The following KHDRBS2 variants were observed in gnomAD, a reference collection of about 807,000 sequenced individuals.
The protein encoded by KHDRBS2 is KH domain-containing, RNA-binding, signal transduction-associated protein 2.
In KHDRBS2, 26 loss-of-function variants were observed where a neutral mutation model predicts 44.3. The observed-to-expected ratio is 0.59, with a 90% CI of 0.43 to 0.81. The LOEUF (loss-of-function observed/expected upper bound fraction) is 0.81, where lower values mean the gene tolerates loss of function less well. Among genes scored for constraint, KHDRBS2 ranks in the 40% least tolerant of loss-of-function variants. The pLI is 0.00. For missense variants in KHDRBS2, 476 were observed against 433.1 expected, an observed-to-expected ratio of 1.10 and a Z score of -0.88; for synonymous variants, 194 against 151.1, an observed-to-expected ratio of 1.28 and a Z score of -2.08.
chr6:61,877,999 T>G (rs1275193481), intron 6 of KHDRBS2, among the ~76,000 whole-genome samples: 1 of 152,026 alleles, frequency 6.6e-6, no homozygotes, highest in Non-Finnish European at 1.5e-5. Flanking sequence ...TAGCTTTCCA[T>G]TTTTAGATTA....
intron 7 of KHDRBS2, among the ~76,000 whole-genome samples, chr6:61,702,871 C>T (rs944102862): frequency 2.6e-5 from 4 of 151,810 alleles, no homozygotes; most frequent in Non-Finnish European, 4.4e-5. Context: ...AAGCCAAAAT[C>T]GTGTGTAGAA....
intron 1 of KHDRBS2, among the ~76,000 whole-genome samples, chr6:62,267,988 A>G (rs1839476398): frequency 6.6e-6 from 1 of 152,124 alleles, no homozygotes; most frequent in Admixed American, 6.6e-5. Flanking sequence ...AAGTATCAAC[A>G]CATAGCTTTT....
intron 1 of KHDRBS2, among the ~76,000 whole-genome samples, chr6:62,214,504 C>T (rs1829646292): frequency 6.8e-6 from 1 of 147,324 alleles, no homozygotes. Context: ...CCAGACCAAT[C>T]CTCCCACAGA....
At chr6:61,883,505 G>T (rs1174041417) in intron 6 of KHDRBS2, among the ~76,000 whole-genome samples, 2 of 151,970 alleles carry the variant, frequency 1.3e-5, no homozygotes, top group Non-Finnish European at 2.9e-5. Context: ...GAGTATTGTA[G>T]CCAATAGAAG....
chr6:62,032,242 AG>A (rs1253474799), intron 3 of KHDRBS2, among the ~76,000 whole-genome samples: 1 of 152,024 alleles, frequency 6.6e-6, no homozygotes, highest in Non-Finnish European at 1.5e-5. Context: ...CATTTGAGTC[AG>A]TGGGGGGAAA....
At chr6:62,225,882 G>A (rs529256974) in intron 1 of KHDRBS2, among the ~76,000 whole-genome samples, 2 of 152,224 alleles carry the variant, frequency 1.3e-5, no homozygotes, top group East Asian at 3.9e-4. Context: ...GCTTTTTATG[G>A]CTGCATAATA....
At chr6:62,175,412 T>C (rs1395676388) in intron 2 of KHDRBS2, among the ~76,000 whole-genome samples, 3 of 151,546 alleles carry the variant, frequency 2.0e-5, no homozygotes, top group Non-Finnish European at 4.4e-5. Context: ...GTAATGCAAA[T>C]ATGTGGGCAT....
chr6:61,859,610 T>C (rs534223015), intron 6 of KHDRBS2, among the ~76,000 whole-genome samples: 1 of 152,064 alleles, frequency 6.6e-6, no homozygotes, highest in East Asian at 1.9e-4. Flanking sequence ...TAAGTGTGTA[T>C]ACCTTTGCAC....
chr6:61,979,783 C>A (rs1381419334), intron 3 of KHDRBS2, among the ~76,000 whole-genome samples: 2 of 152,062 alleles, frequency 1.3e-5, no homozygotes, highest in South Asian at 2.1e-4. Context: ...GTAAAGATTT[C>A]TTTTCTCTTT....
At chr6:61,934,813 T>C (rs990851759) in intron 4 of KHDRBS2, among the ~76,000 whole-genome samples, 2 of 152,140 alleles carry the variant, frequency 1.3e-5, no homozygotes, top group Non-Finnish European at 2.9e-5. Context: ...ATTCAGGAGA[T>C]TGAGGATTTA....
intron 6 of KHDRBS2, among the ~76,000 whole-genome samples, chr6:61,842,726 C>G (rs1793764203): frequency 6.6e-6 from 1 of 152,160 alleles, no homozygotes; most frequent in Non-Finnish European, 1.5e-5. Flanking sequence ...AGGCATATAC[C>G]TAGAGAATTA....
chr6:61,754,431 C>A (rs1359183830), intron 6 of KHDRBS2, among the ~76,000 whole-genome samples: 1 of 152,120 alleles, frequency 6.6e-6, no homozygotes, highest in Non-Finnish European at 1.5e-5. Context: ...CCCCAAAGTT[C>A]TGTTGTCTCT....
the KHDRBS2 span, among the ~76,000 whole-genome samples, chr6:61,619,547 C>T: frequency 1.3e-5 from 2 of 152,124 alleles, no homozygotes; most frequent in African/African-American, 4.8e-5. Context: ...CTCTGCCTCC[C>T]GGATTCTAGT....
intron 1 of KHDRBS2, among the ~76,000 whole-genome samples, chr6:62,215,373 C>T (rs1048703098): frequency 6.6e-5 from 10 of 151,542 alleles, no homozygotes; most frequent in Non-Finnish European, 1.3e-4. Context: ...TTACTGTAGA[C>T]GGAAGGAGAT....
At chr6:62,210,512 G>C (rs1405560154) in intron 1 of KHDRBS2, among the ~76,000 whole-genome samples, 1 of 151,856 alleles carries the variant, frequency 6.6e-6, no homozygotes, top group Non-Finnish European at 1.5e-5. Flanking sequence ...TGTATTTTTA[G>C]TAGAGATGGG....
intron 1 of KHDRBS2, among the ~76,000 whole-genome samples, chr6:62,269,774 C>A (rs1214758767): frequency 6.6e-6 from 1 of 152,196 alleles, no homozygotes; most frequent in East Asian, 1.9e-4. Flanking sequence ...AAATCCTGTA[C>A]ATGAACTTTT....
rs186532397 is a variant in KHDRBS2 at position 61,713,647 on chromosome 6, C to A, written c.894-16394G>T. Among the ~76,000 whole-genome samples, 4 of 147,318 alleles carry A rather than the reference C, an allele frequency of 2.7e-5. No homozygotes were observed. The South Asian group carries it at 6.4e-4, about 24-fold the overall frequency. ...GCTCTTTTTTTGATTCCATATGAATCTCAAGCATATAGTAAGCAAACAGCA... is the reference window on the plus strand; with the variant it reads ...GCTCTTTTTTTGATTCCATATGAATATCAAGCATATAGTAAGCAAACAGCA... On this transcript the variant is annotated intron_variant, in intron 7 of 8. Coordinates refer to ENST00000281156, the MANE Select transcript of KHDRBS2 (RefSeq NM_152688.4).
At chr6:62,123,061 C>T (rs553097559) in intron 2 of KHDRBS2, among the ~76,000 whole-genome samples, 1 of 152,076 alleles carries the variant, frequency 6.6e-6, no homozygotes, top group African/African-American at 2.4e-5. Flanking sequence ...GACCCCCAAC[C>T]CCCAACTGGC....
intron 7 of KHDRBS2, among the ~76,000 whole-genome samples, chr6:61,732,216 A>T (rs942829198): frequency 2.0e-5 from 3 of 152,106 alleles, no homozygotes; most frequent in Admixed American, 6.5e-5. Flanking sequence ...TATATTCAAC[A>T]ATCAATATGA....
Sources: allele counts gnomAD v4.1 joint callset (sites outside exome capture counted in the v4.1 genomes callset), GRCh38; gene constraint gnomAD v4.1.1; transcripts MANE v1.5; gene names NCBI Gene and HGNC (gene_info 2026-07-23, HGNC 2026-07-21).